SIL1: variants seen among roughly 807,000 people sequenced by gnomAD.
The protein encoded by SIL1 is nucleotide exchange factor SIL1.
A neutral mutation model predicts 49.1 loss-of-function variants in SIL1; 40 were observed. That is an observed-to-expected ratio of 0.81 (90% CI 0.63 to 1.06). The LOEUF is 1.06. Ranked by LOEUF, SIL1 falls within the 50% of genes least tolerant of loss-of-function variation. SIL1 has a pLI of 0.00. For missense variants in SIL1, 500 were observed against 572.6 expected, an observed-to-expected ratio of 0.87 and a Z score of 1.29; for synonymous variants, 253 against 250.8, an observed-to-expected ratio of 1.01 and a Z score of -0.08.
At position 139,098,620 on chromosome 5, in the gene SIL1, G is replaced by T. The variant is rs532059296; in HGVS notation, c.244+22415C>A. 1.3e-4 allele frequency among the ~76,000 whole-genome samples: 20 copies of T among 152,122 alleles called. No individual in the cohort carries two copies. The East Asian group carries it at 3.9e-3, about 29-fold the overall frequency. ...GATCATATCAAATTAAAAAGCTTCT[G>T]CACAGCAAAGGAAACAATCGACAAG... is the stretch of plus-strand genomic sequence containing the variant. On this transcript the variant is annotated intron_variant, in intron 3 of 9. Coordinates refer to ENST00000394817, the MANE Select transcript of SIL1 (RefSeq NM_022464.5).
intron 1 of SIL1, among the ~76,000 whole-genome samples, chr5:139,147,162 C>T (rs758707408): frequency 6.6e-6 from 1 of 152,206 alleles, no homozygotes; most frequent in Non-Finnish European, 1.5e-5. Context: ...TATAGAGCAG[C>T]TCTTTTCAGG....
intron 1 of SIL1, among the ~76,000 whole-genome samples, chr5:139,183,922 A>G (rs1333578362): frequency 4.6e-5 from 7 of 152,224 alleles, no homozygotes; most frequent in Non-Finnish European, 2.9e-5. Flanking sequence ...CTTCTTTGCT[A>G]AAAAGATTTG....
At chr5:138,963,251 C>T (rs547908582) in intron 7 of SIL1, among the ~76,000 whole-genome samples, 13 of 152,252 alleles carry the variant, frequency 8.5e-5, no homozygotes, top group Non-Finnish European at 1.8e-4. Context: ...CTTGTCAACC[C>T]GCCCTTTGAG....
intron 7 of SIL1, among the ~76,000 whole-genome samples, chr5:138,991,613 G>T (rs1767762871): frequency 1.3e-5 from 2 of 152,190 alleles, no homozygotes; most frequent in Non-Finnish European, 2.9e-5. Flanking sequence ...CATCATCAGG[G>T]TACAGGGTCG....
At chr5:138,998,143 T>C (rs1350765523) in intron 7 of SIL1, among the ~76,000 whole-genome samples, 2 of 152,172 alleles carry the variant, frequency 1.3e-5, no homozygotes, top group East Asian at 1.9e-4. Context: ...TATGCTGCTA[T>C]AAAGAAACAT....
chr5:139,090,966 T>C (rs1012051311), intron 3 of SIL1, among the ~76,000 whole-genome samples: 2 of 152,132 alleles, frequency 1.3e-5, no homozygotes, highest in African/African-American at 4.8e-5. Context: ...CTGAAAAAGG[T>C]AAAAATTAAC....
In SIL1 at chr5:138,949,552, C is replaced by G. The variant is rs187498253; in HGVS notation, c.1029+1619G>C. 3.5e-3 allele frequency among the ~76,000 whole-genome samples: 531 copies of G among 152,218 alleles called. 1 individual carries two copies. Among genetic ancestry groups the G allele is most frequent in the Non-Finnish European group, 6.2e-3 (423 of 68,008 alleles). The stretch of plus-strand genomic sequence containing the variant: ...GCAAGAGGCTGGACTTAGTGACTCA[C>G]GCCTATAATTCCAATACTTTGGGAA... On this transcript the variant is annotated intron_variant, in intron 9 of 9. Transcript: ENST00000394817.
At chr5:139,016,815 C>A (rs1581032926) in intron 7 of SIL1, 1 of 152,026 alleles carries the variant, frequency 6.6e-6, no homozygotes, top group African/African-American at 2.4e-5. Context: ...ATTTAATGCC[C>A]ATGTGCACTC....
Position 138,995,647 on chromosome 5 carries a change from C to T in SIL1, c.767+25524G>A, listed in dbSNP as rs1364284248. ...ATAGTCACCCTACTGATCTAGCAAA[C>T]AATGGTGCTACTGCTTCTATCAAAC... On this transcript the variant is annotated intron_variant, in intron 7 of 9. Coordinates refer to ENST00000394817, the MANE Select transcript of SIL1 (RefSeq NM_022464.5). Among the ~76,000 whole-genome samples the T allele has an allele frequency of 2.0e-5, 3 of 152,200 alleles. No homozygotes were observed. The East Asian group carries it at 5.8e-4, about 29-fold the overall frequency.
chr5:139,061,836 G>T (rs1432873), intron 3 of SIL1, among the ~76,000 whole-genome samples: 22,696 of 152,118 alleles, frequency 0.15, 4,528 homozygotes, highest in African/African-American at 0.46. Context: ...ACCAATTATT[G>T]GTGCCCACAG....
chr5:139,030,094 G>A (rs1185810404), intron 5 of SIL1, among the ~76,000 whole-genome samples: 1 of 151,986 alleles, frequency 6.6e-6, no homozygotes, highest in Non-Finnish European at 1.5e-5. Flanking sequence ...GAGGTGGGTG[G>A]ATCGCTTGAG....
intron 3 of SIL1, among the ~76,000 whole-genome samples, chr5:139,072,279 A>T (rs944565928): frequency 6.6e-6 from 1 of 152,236 alleles, no homozygotes; most frequent in Non-Finnish European, 1.5e-5. Context: ...AATAACTCAG[A>T]ATACCAGTCA....
chr5:139,045,980 C>G (rs1208137009), intron 4 of SIL1, among the ~76,000 whole-genome samples: 1 of 152,168 alleles, frequency 6.6e-6, no homozygotes, highest in Non-Finnish European at 1.5e-5. Flanking sequence ...TTCTTTTGTC[C>G]ACCTTCAATC....
At chr5:139,043,721 C>A (rs1428729293) in intron 4 of SIL1, among the ~76,000 whole-genome samples, 1 of 152,238 alleles carries the variant, frequency 6.6e-6, no homozygotes, top group African/African-American at 2.4e-5. Context: ...CACAGCTACA[C>A]ATCTTGACCA....
intron 7 of SIL1, among the ~76,000 whole-genome samples, chr5:139,015,570 C>T (rs2150423677): frequency 6.6e-6 from 1 of 152,324 alleles, no homozygotes; most frequent in Non-Finnish European, 1.5e-5. Context: ...TGTCTTTCGC[C>T]TCTATTATCC....
intron 1 of SIL1, among the ~76,000 whole-genome samples, chr5:139,184,953 T>C (rs1244663363): frequency 6.6e-6 from 1 of 152,170 alleles, no homozygotes; most frequent in Non-Finnish European, 1.5e-5. Context: ...AGACCACACA[T>C]GGGTCTGCTC....
intron 1 of SIL1, among the ~76,000 whole-genome samples, chr5:139,169,873 G>C (rs1397127598): frequency 6.6e-6 from 1 of 150,962 alleles, no homozygotes; most frequent in Non-Finnish European, 1.5e-5. Flanking sequence ...CTCTTTCCAC[G>C]GTCTCCCTCT....
chr5:138,968,278 G>A (rs1265563421), intron 7 of SIL1, among the ~76,000 whole-genome samples: 1 of 152,116 alleles, frequency 6.6e-6, no homozygotes, highest in Non-Finnish European at 1.5e-5. Context: ...CCTGGCCCCT[G>A]GGGAATATGC....
chr5:139,157,314 T>C (rs1273041393), intron 1 of SIL1, among the ~76,000 whole-genome samples: 1 of 152,210 alleles, frequency 6.6e-6, no homozygotes, highest in Non-Finnish European at 1.5e-5. Flanking sequence ...GTTGGTCTGC[T>C]CCATCCTGCC....
Sources: allele counts gnomAD v4.1 joint callset (sites outside exome capture counted in the v4.1 genomes callset), GRCh38; gene constraint gnomAD v4.1.1; transcripts MANE v1.5; gene names NCBI Gene and HGNC (gene_info 2026-07-23, HGNC 2026-07-21).